The following DLG1 variants were observed in gnomAD, a reference collection of about 807,000 sequenced individuals.
The protein encoded by DLG1 is disks large homolog 1.
A neutral mutation model predicts 123.4 loss-of-function variants in DLG1; 42 were observed. That is an observed-to-expected ratio of 0.34 (90% confidence interval 0.27 to 0.44). DLG1 has a LOEUF of 0.44. Ranked by LOEUF, DLG1 falls within the 20% of genes least tolerant of loss-of-function variation. DLG1 has a pLI of 1.00. For missense variants in DLG1, 942 were observed against 1,082.6 expected, an observed-to-expected ratio of 0.87 and a Z score of 1.82; for synonymous variants, 317 against 356.2, an observed-to-expected ratio of 0.89 and a Z score of 1.24.
chr3:197,253,818 T>C (rs150981013), intron 4 of DLG1, among the ~76,000 whole-genome samples: 2 of 152,238 alleles, frequency 1.3e-5, no homozygotes, highest in East Asian at 3.9e-4. Flanking sequence ...ATGCTAGAGT[T>C]ACTACTAGAG....
chr3:197,163,256 T>C (rs1190484129), intron 5 of DLG1, among the ~76,000 whole-genome samples: 1 of 152,110 alleles, frequency 6.6e-6, no homozygotes, highest in African/African-American at 2.4e-5. Context: ...ACAATGCTGG[T>C]GGGAAATGTA....
At chr3:197,051,407 C>T (rs921017502) in intron 24 of DLG1, among the ~76,000 whole-genome samples, 170 bp downstream of exon 24, 23 of 152,004 alleles carry the variant, frequency 1.5e-4, no homozygotes, top group Middle Eastern at 3.2e-3. Context: ...GGTGACAGAG[C>T]GAAACTCCGT....
intron 4 of DLG1, among the ~76,000 whole-genome samples, chr3:197,261,201 C>A (rs1464830858): frequency 6.6e-6 from 1 of 152,204 alleles, no homozygotes; most frequent in Non-Finnish European, 1.5e-5. Context: ...GATAGGCTAA[C>A]AGACACAGGG....
chr3:197,144,609 T>C (rs184662676), intron 6 of DLG1, among the ~76,000 whole-genome samples: 1 of 152,328 alleles, frequency 6.6e-6, no homozygotes, highest in African/African-American at 2.4e-5. Flanking sequence ...GCTACTTTGC[T>C]TTCTTAACCA....
chr3:197,087,941 G>A (rs1755383612), intron 15 of DLG1, among the ~76,000 whole-genome samples: 1 of 152,192 alleles, frequency 6.6e-6, no homozygotes, highest in South Asian at 2.1e-4. Context: ...TTGAGGAGCT[G>A]TATACTCTGA....
intron 3 of DLG1, among the ~76,000 whole-genome samples, chr3:197,288,741 A>AT (rs1213910267): frequency 3.9e-4 from 25 of 63,416 alleles, no homozygotes; most frequent in African/African-American, 1.8e-3. Flanking sequence ...AAAAAAAAAA[A>AT]AAATACATAC....
intron 15 of DLG1, among the ~76,000 whole-genome samples, chr3:197,089,483 C>T (rs1756431409): frequency 2.0e-5 from 3 of 150,370 alleles, no homozygotes; most frequent in South Asian, 2.1e-4. Context: ...GCTGAGATCG[C>T]GCCACTGCAC....
chr3:197,196,171 CAAAAA>C (rs71162001), intron 4 of DLG1, among the ~76,000 whole-genome samples: 2,282 of 88,836 alleles, frequency 0.026, 26 homozygotes, highest in South Asian at 0.1. Context: ...AAATGCACAC[CAAAAA>C]AAAAAAAAAA....
chr3:197,237,503 A>G (rs1746609112), intron 4 of DLG1, among the ~76,000 whole-genome samples: 1 of 152,202 alleles, frequency 6.6e-6, no homozygotes, highest in Admixed American at 6.5e-5. Context: ...TATTCCAGCT[A>G]AACACCACAG....
At chr3:197,213,525 C>T (rs371175845) in intron 4 of DLG1, among the ~76,000 whole-genome samples, 1 of 152,108 alleles carries the variant, frequency 6.6e-6, no homozygotes, top group African/African-American at 2.4e-5. Flanking sequence ...TCAAACTGTA[C>T]GCTTTACACA....
At chr3:197,297,679 C>A in intron 1 of DLG1, 1 of 989,160 alleles carries the variant, frequency 1.0e-6, no homozygotes, top group Non-Finnish European at 1.2e-6. Context: ...TTGCCTTTCT[C>A]CTTGCTCGCT....
At chr3:197,274,162 A>G (rs1001439818) in intron 4 of DLG1, among the ~76,000 whole-genome samples, 1 of 152,204 alleles carries the variant, frequency 6.6e-6, no homozygotes, top group South Asian at 2.1e-4. Context: ...TCCTGAGCAG[A>G]AATAATAAAA....
chr3:197,065,065 T>G lies in DLG1; in HGVS notation c.2373+211A>C, dbSNP rs1738632063. The stretch of plus-strand genomic sequence containing the variant: ...GAAAATAACTTCTCTTACATTCATG[T>G]TATCATTTCTATTTTCACTTTCTTT... On this transcript the variant is annotated intron_variant, in intron 22 of 24. Transcript: ENST00000667157. Among the ~76,000 whole-genome samples the G allele has an allele frequency of 2.6e-5, 4 of 151,626 alleles. No individual in the cohort carries two copies. In the South Asian group the frequency reaches 8.4e-4, roughly 32 times the overall value.
intron 11 of DLG1, among the ~76,000 whole-genome samples, chr3:197,122,997 C>G (rs1400818046): frequency 6.6e-6 from 1 of 151,886 alleles, no homozygotes; most frequent in African/African-American, 2.4e-5. Context: ...TTCAATGAAA[C>G]AGAAGAGCCT....
chr3:197,139,740 C>A (rs75830883), intron 8 of DLG1, among the ~76,000 whole-genome samples: 2 of 151,780 alleles, frequency 1.3e-5, no homozygotes, highest in African/African-American at 4.9e-5. Flanking sequence ...TGTTTCCCAG[C>A]CAGAGAGGAA....
At chr3:197,224,865 T>C (rs920972816) in intron 4 of DLG1, among the ~76,000 whole-genome samples, 1 of 152,234 alleles carries the variant, frequency 6.6e-6, no homozygotes, top group Non-Finnish European at 1.5e-5. Flanking sequence ...AAAAGTTCGA[T>C]TCAAAACAAT....
intron 4 of DLG1, among the ~76,000 whole-genome samples, chr3:197,223,381 A>G (rs1189375143): frequency 6.6e-6 from 1 of 152,220 alleles, no homozygotes; most frequent in African/African-American, 2.4e-5. Context: ...ATAATCTATT[A>G]CTGTAACCTT....
intron 4 of DLG1, among the ~76,000 whole-genome samples, chr3:197,260,007 C>A (rs35600056): frequency 6.6e-6 from 1 of 152,130 alleles, no homozygotes; most frequent in Non-Finnish European, 1.5e-5. Context: ...ACTTTACAGA[C>A]CCTTGCTGCT....
At position 197,043,055 on chromosome 3, in the gene DLG1, T is replaced by A. The variant is rs1016545767; in HGVS notation, c.*1568A>T. 8 of 152,334 alleles carry A rather than the reference T, an allele frequency of 5.3e-5. No homozygotes were observed. The highest frequency in any genetic ancestry group is 1.9e-4 in the African/African-American group (8 of 41,572). The allele number at this position is 152,334 out of a possible 1,614,324, so 9.4% of individuals were successfully genotyped here. On this transcript the variant is annotated 3_prime_UTR_variant, in exon 25 of 25. Coordinates refer to ENST00000667157, the MANE Select transcript of DLG1 (RefSeq NM_001366207.1). ...GAGGAGGTTGTCAAAAACACATATT[T>A]AATAAACAACTCCAAAGAGCAATGG...
Sources: allele counts gnomAD v4.1 joint callset (sites outside exome capture counted in the v4.1 genomes callset), GRCh38; gene constraint gnomAD v4.1.1; transcripts MANE v1.5; gene names NCBI Gene and HGNC (gene_info 2026-07-23, HGNC 2026-07-21).